STAP1: variants seen among roughly 807,000 people sequenced by gnomAD.
STAP1 encodes the protein signal transducing adaptor family member 1.
A neutral mutation model predicts 37.8 loss-of-function variants in STAP1; 30 were observed. The observed-to-expected ratio is 0.79, with a 90% CI of 0.59 to 1.08. The LOEUF is 1.08. STAP1 is among the 50% of genes least tolerant of loss of function. The pLI is 0.00. For missense variants in STAP1, 357 were observed against 349.4 expected, an observed-to-expected ratio of 1.02 and a Z score of -0.17; for synonymous variants, 130 against 116.0, an observed-to-expected ratio of 1.12 and a Z score of -0.78.
At chr4:67,590,534 T>A (rs1369853372) in intron 6 of STAP1, among the ~76,000 whole-genome samples, 1 of 152,196 alleles carries the variant, frequency 6.6e-6, no homozygotes, top group Non-Finnish European at 1.5e-5. Context: ...TATACCTACA[T>A]AGAATTTTAT....
chr4:67,560,771 C>A (rs1727319046), intron 1 of STAP1, among the ~76,000 whole-genome samples: 1 of 152,010 alleles, frequency 6.6e-6, no homozygotes, highest in African/African-American at 2.4e-5. Flanking sequence ...CCTGCCTCAG[C>A]CTCCTGAGTA....
chr4:67,597,477 A>T (rs979903087), intron 8 of STAP1, among the ~76,000 whole-genome samples: 1 of 152,180 alleles, frequency 6.6e-6, no homozygotes, highest in African/African-American at 2.4e-5. Flanking sequence ...GAGCTGTGAG[A>T]AGAGAACCAC....
chr4:67,593,594 T>TTAC (rs1452504332), intron 8 of STAP1, among the ~76,000 whole-genome samples: 1 of 152,214 alleles, frequency 6.6e-6, no homozygotes, highest in African/African-American at 2.4e-5. Flanking sequence ...GTATGTAGTA[T>TTAC]TACTATTAAC....
chr4:67,570,227 A>G (rs1278783373), intron 1 of STAP1, among the ~76,000 whole-genome samples: 1 of 152,220 alleles, frequency 6.6e-6, no homozygotes, highest in Non-Finnish European at 1.5e-5. Context: ...CCAGTAACAT[A>G]GTCATTTATT....
intron 2 of STAP1, among the ~76,000 whole-genome samples, chr4:67,574,662 C>CT (rs1268895852): frequency 1.1e-4 from 16 of 152,270 alleles, no homozygotes; most frequent in African/African-American, 3.6e-4. Context: ...TGGGCCAAAT[C>CT]TGGCCTATGG....
At chr4:67,561,014 T>C (rs1288406434) in intron 1 of STAP1, among the ~76,000 whole-genome samples, 3 of 152,178 alleles carry the variant, frequency 2.0e-5, no homozygotes, top group African/African-American at 4.8e-5. Context: ...TACCTACTTA[T>C]GTGGTGGTTT....
Position 67,577,384 on chromosome 4 carries a change from T to C in STAP1, c.363+125T>C, listed in dbSNP as rs958846203. ...GCAATTGAAAAAGATAGACCTAAACTCTTGCACTTACTTATGAACATTATA... is the reference window on the plus strand; with the variant it reads ...GCAATTGAAAAAGATAGACCTAAACCCTTGCACTTACTTATGAACATTATA... On this transcript the variant is annotated intron_variant, in intron 4 of 8. Transcript: ENST00000265404. 8 of 688,232 alleles carry C rather than the reference T, an allele frequency of 1.2e-5. No individual in the cohort carries two copies. The African/African-American group carries it at 1.5e-4, about 13-fold the overall frequency. 42.6% of individuals were successfully genotyped at this position (688,232 alleles called of 1,614,324 possible). A position where few individuals can be genotyped will look rare whatever the true frequency, so the allele number is the denominator to read the frequency against.
chr4:67,583,752 C>T, intron 6 of STAP1, 50 bp downstream of exon 6: 1 of 1,583,336 alleles, frequency 6.3e-7, no homozygotes. Flanking sequence ...CGTGGTATCA[C>T]TAAATACAAG....
In STAP1 at chr4:67,605,970, GAAGAC is replaced by G. The variant is rs532044510; in HGVS notation, c.827-321_827-317del. 1.3e-4 allele frequency among the ~76,000 whole-genome samples: 20 copies of G among 152,174 alleles called. No homozygotes were observed. The South Asian group carries it at 3.3e-3, about 25-fold the overall frequency. On this transcript the variant is annotated intron_variant, in intron 8 of 8. Transcript: ENST00000265404. ...CAGCATTTGGCTCTCTCTTACACCA[GAAGAC>G]AAGAGCAATAATGGAACAAGAATGG...
In STAP1 at chr4:67,598,833, C is replaced by G. The variant is rs540434874; in HGVS notation, c.826+5477C>G. Among the ~76,000 whole-genome samples the G allele has an allele frequency of 3.3e-5, 5 of 152,280 alleles. No homozygotes were observed. The South Asian group carries it at 8.3e-4, about 25-fold the overall frequency. On this transcript the variant is annotated intron_variant, in intron 8 of 8. Transcript: ENST00000265404. The stretch of plus-strand genomic sequence containing the variant: ...TTTGGTTGCCTGTGCTTGTGTCTTA[C>G]TCAAAACATTTTTGTCTAGACCAAT...
chr4:67,566,206 C>A (rs1727466670), intron 1 of STAP1, among the ~76,000 whole-genome samples: 1 of 152,096 alleles, frequency 6.6e-6, no homozygotes. Flanking sequence ...CCTCGGCCTC[C>A]CAAAGTACTG....
chr4:67,589,504 T>TA (rs147732830), intron 6 of STAP1, among the ~76,000 whole-genome samples: 1 of 152,164 alleles, frequency 6.6e-6, no homozygotes, highest in African/African-American at 2.4e-5. Flanking sequence ...AGAAGCGATT[T>TA]AAAAAAAGAA....
intron 2 of STAP1, among the ~76,000 whole-genome samples, chr4:67,574,741 A>G (rs1025372817): frequency 6.6e-6 from 1 of 152,232 alleles, no homozygotes; most frequent in African/African-American, 2.4e-5. Flanking sequence ...AGAAAAAAAC[A>G]AAAACGAAGA....
chr4:67,567,483 T>C (rs761140087), intron 1 of STAP1, among the ~76,000 whole-genome samples: 11 of 152,220 alleles, frequency 7.2e-5, no homozygotes, highest in Admixed American at 2.0e-4. Flanking sequence ...GTTCAAGTCT[T>C]ACTGTATGTA....
At chr4:67,603,715 T>A (rs1388959695) in intron 8 of STAP1, among the ~76,000 whole-genome samples, 2 of 152,252 alleles carry the variant, frequency 1.3e-5, no homozygotes, top group South Asian at 4.1e-4. Context: ...CTCTGCCTGA[T>A]GCCCTGTTCT....
intron 8 of STAP1, among the ~76,000 whole-genome samples, chr4:67,597,101 TG>T (rs1052992873): frequency 1.3e-5 from 2 of 152,206 alleles, no homozygotes; most frequent in African/African-American, 4.8e-5. Flanking sequence ...AATAGTTTTG[TG>T]GGCTGGACCC....
chr4:67,578,931 C>T (rs1445964817), intron 4 of STAP1, among the ~76,000 whole-genome samples: 1 of 151,606 alleles, frequency 6.6e-6, no homozygotes, highest in South Asian at 2.1e-4. Flanking sequence ...TGCGTTCAAG[C>T]AATTCTCCTG....
chr4:67,561,868 T>C (rs1294685664), intron 1 of STAP1, among the ~76,000 whole-genome samples: 5 of 151,586 alleles, frequency 3.3e-5, no homozygotes, highest in East Asian at 3.9e-4. Context: ...GGTCAGGAAA[T>C]GGAGACCAAC....
At chr4:67,559,949 CATAA>C (rs1300492492) in intron 1 of STAP1, among the ~76,000 whole-genome samples, 2 of 152,066 alleles carry the variant, frequency 1.3e-5, no homozygotes, top group African/African-American at 4.8e-5. Context: ...GTTAAACATG[CATAA>C]ATAATTACCT....
Sources: gnomAD v4.1 joint callset for allele counts (sites outside exome capture counted in the v4.1 genomes callset) on GRCh38, gnomAD v4.1.1 for gene constraint, MANE v1.5 for transcripts, NCBI Gene and HGNC (gene_info 2026-07-23, HGNC 2026-07-21) for gene names.